NALCN: variants seen among roughly 807,000 people sequenced by gnomAD.
The protein encoded by NALCN is sodium leak channel, non-selective.
In NALCN, 111 loss-of-function variants were observed where a neutral mutation model predicts 225.3. That is an observed-to-expected ratio of 0.49 (90% CI 0.42 to 0.58). NALCN has a LOEUF of 0.58. NALCN is among the 20% of genes least tolerant of loss of function. NALCN has a pLI of 0.00. For synonymous variants in NALCN, 764 were observed against 769.0 expected (o/e 0.99, Z 0.11); for missense variants, 1,378 against 2,202.4 (o/e 0.63, Z 7.49).
intron 1 of NALCN, among the ~76,000 whole-genome samples, chr13:101,405,567 T>A (rs896553371): frequency 6.6e-6 from 1 of 152,076 alleles, no homozygotes; most frequent in Non-Finnish European, 1.5e-5. Context: ...CCAGATCATC[T>A]GTGTCCTGCA....
intron 18 of NALCN, among the ~76,000 whole-genome samples, chr13:101,124,041 C>T (rs1284235110): frequency 6.6e-6 from 1 of 152,178 alleles, no homozygotes; most frequent in African/African-American, 2.4e-5. Context: ...TTTTTATACT[C>T]ATCATGTTAC....
chr13:101,156,701 G>C (rs1310975312), intron 15 of NALCN, among the ~76,000 whole-genome samples: 1 of 152,020 alleles, frequency 6.6e-6, no homozygotes, highest in Non-Finnish European at 1.5e-5. Context: ...ATTTTCTATA[G>C]AAAATTCCCT....
chr13:101,116,589 C>T (rs192030331), intron 18 of NALCN: 297 of 509,004 alleles, frequency 5.8e-4, no homozygotes, highest in Admixed American at 9.7e-4. Context: ...AAAGCCTATA[C>T]ATTCTGTAAT....
intron 28 of NALCN, among the ~76,000 whole-genome samples, chr13:101,090,563 T>C (rs982409681): frequency 2.0e-5 from 3 of 152,172 alleles, no homozygotes; most frequent in Admixed American, 6.5e-5. Flanking sequence ...GCTTGTAGTA[T>C]GTATTTTTCC....
At chr13:101,131,192 G>T (rs962330429) in intron 17 of NALCN, among the ~76,000 whole-genome samples, 1 of 151,872 alleles carries the variant, frequency 6.6e-6, no homozygotes, top group African/African-American at 2.4e-5. Flanking sequence ...TATTTATGTT[G>T]CTATTTCATC....
At chr13:101,096,256 T>C (rs900990659) in intron 27 of NALCN, among the ~76,000 whole-genome samples, 3 of 152,176 alleles carry the variant, frequency 2.0e-5, no homozygotes, top group Admixed American at 6.6e-5. Flanking sequence ...TATGTCCCTA[T>C]AGAAACTTGT....
chr13:101,321,683 G>A (rs756282036), intron 7 of NALCN, among the ~76,000 whole-genome samples: 5 of 151,946 alleles, frequency 3.3e-5, no homozygotes, highest in Non-Finnish European at 4.4e-5. Context: ...AATAAAATAC[G>A]TGATAGTCAC....
rs189281243 is a variant in NALCN at position 101,275,787 on chromosome 13, C to T, written c.1134+8146G>A. 8.3e-4 allele frequency among the ~76,000 whole-genome samples: 127 copies of T among 152,190 alleles called. 1 individual carries two copies. In the Middle Eastern group the frequency reaches 0.024, roughly 29 times the overall value. On this transcript the variant is annotated intron_variant, in intron 10 of 43. Transcript: ENST00000251127. ...TCTATGTTCCTAGGCTTTTCTTTTT[C>T]ACCACGAGTCATCTTGTCCCCACAG...
intron 28 of NALCN, among the ~76,000 whole-genome samples, chr13:101,091,094 A>C (rs757505307): frequency 6.6e-6 from 1 of 152,200 alleles, no homozygotes; most frequent in African/African-American, 2.4e-5. Flanking sequence ...TTAATAGAAG[A>C]AGCTTTCAGT....
intron 6 of NALCN, among the ~76,000 whole-genome samples, chr13:101,348,596 A>G (rs562190802): frequency 6.7e-6 from 1 of 149,004 alleles, no homozygotes; most frequent in Admixed American, 6.6e-5. Flanking sequence ...ACTGTTAATG[A>G]TTATGATTTT....
intron 27 of NALCN, among the ~76,000 whole-genome samples, chr13:101,099,998 A>C (rs1269298200): frequency 6.6e-6 from 1 of 152,208 alleles, no homozygotes; most frequent in Non-Finnish European, 1.5e-5. Flanking sequence ...GGCTTGTTAC[A>C]GCAGCTAGCC....
intron 15 of NALCN, among the ~76,000 whole-genome samples, chr13:101,160,855 C>T (rs938690174): frequency 3.3e-5 from 5 of 152,048 alleles, no homozygotes; most frequent in African/African-American, 1.2e-4. Flanking sequence ...TTAGCTGGAT[C>T]GACCAAATCT....
intron 15 of NALCN, among the ~76,000 whole-genome samples, chr13:101,149,750 G>C (rs992899127): frequency 6.6e-6 from 1 of 152,136 alleles, no homozygotes; most frequent in Non-Finnish European, 1.5e-5. Flanking sequence ...TGAGTATTTT[G>C]AATCTCATGG....
chr13:101,234,558 T>G (rs35358757), intron 12 of NALCN, among the ~76,000 whole-genome samples: 35,920 of 152,150 alleles, frequency 0.24, 4,516 homozygotes, highest in East Asian at 0.36. Context: ...TCTGGTACAG[T>G]GGATTCTCCA....
Position 101,217,903 on chromosome 13 carries a change from G to A in NALCN, c.1626+11490C>T, listed in dbSNP as rs189046387. 4.4e-3 allele frequency among the ~76,000 whole-genome samples: 669 copies of A among 152,248 alleles called. 1 individual carries two copies. The highest frequency in any genetic ancestry group is 9.9e-3 in the South Asian group (48 of 4,828). ...TAAACACCAGCTTTCTTTCTACCAC[G>A]TCTATTTACAAACCTTGTTTGCATG... On this transcript the variant is annotated intron_variant, in intron 13 of 43. Transcript: ENST00000251127.
intron 17 of NALCN, among the ~76,000 whole-genome samples, chr13:101,127,444 C>T (rs1183374892): frequency 6.6e-5 from 10 of 152,082 alleles, no homozygotes; most frequent in East Asian, 5.8e-4. Context: ...CTGCAACCTC[C>T]GCCCCCTGGG....
At chr13:101,113,794 A>G (rs2035564497) in intron 18 of NALCN, among the ~76,000 whole-genome samples, 1 of 152,244 alleles carries the variant, frequency 6.6e-6, no homozygotes, top group Non-Finnish European at 1.5e-5. Flanking sequence ...CCATGTTCCT[A>G]CAGTATGTTA....
intron 13 of NALCN, among the ~76,000 whole-genome samples, chr13:101,202,115 C>T (rs770376944): frequency 8.5e-5 from 13 of 152,134 alleles, no homozygotes; most frequent in Non-Finnish European, 1.5e-4. Context: ...CCTCATAATC[C>T]GTTAATATTT....
At position 101,059,849 on chromosome 13, in the gene NALCN, G is replaced by A. The variant is rs1320009601; in HGVS notation, c.4874C>T (p.Ala1625Val). 1 of 1,614,028 alleles carries A rather than the reference G, an allele frequency of 6.2e-7. No homozygotes were observed. The highest frequency in any genetic ancestry group is 2.2e-5 in the East Asian group (1 of 44,874). ...ETTQPSEDTN[A>V]NSQDNSMQPE... ...TTGCATGCTGTTGTCCTGACTGTTGGCATTCGTGTCCTCACTGGGCTGGGT... is the reference window on the plus strand; with the variant it reads ...TTGCATGCTGTTGTCCTGACTGTTGACATTCGTGTCCTCACTGGGCTGGGT... Residue 1625 changes from alanine (A) to valine (V), a missense_variant, in exon 42 of 44, where the codon GCC becomes GTC. Ala to Val is a moderately conservative substitution (Grantham distance 64). Around this residue, in one of 19 missense-constraint regions of NALCN, gnomAD observed 145 missense variants for 169.6 expected, o/e 0.85. Transcript: ENST00000251127.
Sources: gnomAD v4.1 joint callset for allele counts (sites outside exome capture counted in the v4.1 genomes callset) on GRCh38, gnomAD v4.1.1 for gene constraint, gnomAD v4.1.1 regional missense constraint, MANE v1.5 for transcripts, NCBI Gene and HGNC (gene_info 2026-07-23, HGNC 2026-07-21) for gene names.